Variants in ITGA1 observed in about 807,000 individuals in gnomAD.
The protein encoded by ITGA1 is integrin alpha-1.
In ITGA1, 85 loss-of-function variants were observed where a neutral mutation model predicts 145.9. The observed-to-expected ratio is 0.58, with a 90% CI of 0.49 to 0.70. The LOEUF (loss-of-function observed/expected upper bound fraction) is 0.70. Ranked by LOEUF, ITGA1 falls within the 30% of genes least tolerant of loss-of-function variation. The pLI, the probability that ITGA1 is intolerant of heterozygous loss-of-function variation, is 0.00. For missense variants in ITGA1, 1,351 were observed against 1,418.7 expected (o/e 0.95, Z 0.77); for synonymous variants, 520 against 495.3 (o/e 1.05, Z -0.66).
intron 28 of ITGA1, among the ~76,000 whole-genome samples, chr5:52,951,439 A>T (rs531308649): frequency 6.6e-6 from 1 of 152,264 alleles, no homozygotes; most frequent in Non-Finnish European, 1.5e-5. Context: ...CAATTGCAGC[A>T]CTTATAACTT....
intron 11 of ITGA1, among the ~76,000 whole-genome samples, chr5:52,901,297 G>A (rs2111834815): frequency 6.6e-6 from 1 of 152,282 alleles, no homozygotes; most frequent in East Asian, 1.9e-4. Context: ...GCTCCCGAAA[G>A]GAACACTGAC....
intron 1 of ITGA1, among the ~76,000 whole-genome samples, chr5:52,813,093 G>A (rs1748709502): frequency 6.6e-6 from 1 of 152,024 alleles, no homozygotes; most frequent in African/African-American, 2.4e-5. Context: ...GAGTACAGAA[G>A]AGCACATTTC....
chr5:52,907,376 A>G (rs1375505177), intron 12 of ITGA1, among the ~76,000 whole-genome samples: 4 of 152,230 alleles, frequency 2.6e-5, no homozygotes, highest in Non-Finnish European at 5.9e-5. Flanking sequence ...TAGGAAGTTG[A>G]CAATAGTAAA....
chr5:52,857,225 T>A (rs1156262303), intron 2 of ITGA1, among the ~76,000 whole-genome samples: 1 of 152,134 alleles, frequency 6.6e-6, no homozygotes, highest in Non-Finnish European at 1.5e-5. Flanking sequence ...TCGACCACCC[T>A]TGCAAACTGC....
chr5:52,805,714 A>G (rs1748578368), intron 1 of ITGA1, among the ~76,000 whole-genome samples: 1 of 152,118 alleles, frequency 6.6e-6, no homozygotes, highest in African/African-American at 2.4e-5. Flanking sequence ...ATTCAGGCCA[A>G]TCAGTTACTG....
intron 1 of ITGA1, among the ~76,000 whole-genome samples, chr5:52,837,369 G>T (rs1749176015): frequency 6.6e-6 from 1 of 152,162 alleles, no homozygotes; most frequent in Admixed American, 6.5e-5. Flanking sequence ...GTGAAGGAAG[G>T]GCAGGTTGAG....
intron 7 of ITGA1, among the ~76,000 whole-genome samples, chr5:52,882,687 C>A (rs138872668): frequency 3.5e-4 from 54 of 152,246 alleles, no homozygotes; most frequent in African/African-American, 1.2e-3. Flanking sequence ...TTTATAAGAA[C>A]GAACAGAATT....
chr5:52,849,645 T>TAA (rs201300374), intron 2 of ITGA1, among the ~76,000 whole-genome samples, 160 bp downstream of exon 2: 87 of 147,466 alleles, frequency 5.9e-4, no homozygotes, highest in African/African-American at 1.2e-3. Flanking sequence ...TAACTTAAAG[T>TAA]AAAAAAAAAA....
chr5:52,819,852 A>G (rs1274668382), intron 1 of ITGA1, among the ~76,000 whole-genome samples: 2 of 152,150 alleles, frequency 1.3e-5, no homozygotes, highest in Non-Finnish European at 2.9e-5. Context: ...ATCCGGTTTC[A>G]GCTTTCTACA....
intron 1 of ITGA1, among the ~76,000 whole-genome samples, chr5:52,817,249 G>A (rs956233066): frequency 4.6e-5 from 7 of 152,156 alleles, no homozygotes; most frequent in African/African-American, 1.7e-4. Flanking sequence ...GGTAGAGAAG[G>A]AAGTGTCCCA....
At position 52,875,888 on chromosome 5, in the gene ITGA1, T is replaced by A. The variant is rs1749858640; in HGVS notation, c.625-5985T>A. On this transcript the variant is annotated intron_variant, in intron 6 of 28. Coordinates refer to ENST00000282588, the MANE Select transcript of ITGA1 (RefSeq NM_181501.2). The stretch of plus-strand genomic sequence containing the variant: ...CAAGTCAAATATTAGGATTACTGGT[T>A]TTTTTTTTCCTTTTTCCTCTCAATT... Among the ~76,000 whole-genome samples the A allele has an allele frequency of 2.0e-5, 3 of 150,384 alleles. No homozygotes were observed. The South Asian group carries it at 6.3e-4, about 31-fold the overall frequency.
intron 18 of ITGA1, among the ~76,000 whole-genome samples, chr5:52,924,083 C>T (rs969070333): frequency 6.6e-5 from 10 of 152,126 alleles, no homozygotes; most frequent in East Asian, 3.8e-4. Flanking sequence ...GTGTCACTAG[C>T]GTGGCTCCAA....
At chr5:52,881,706 A>G (rs1749962629) in intron 6 of ITGA1, among the ~76,000 whole-genome samples, 167 bp from the exon 7 acceptor site, 1 of 152,254 alleles carries the variant, frequency 6.6e-6, no homozygotes, top group Non-Finnish European at 1.5e-5. Context: ...GACTACGAAC[A>G]GTCACAGAAT....
chr5:52,806,396 G>C (rs527751610), intron 1 of ITGA1, among the ~76,000 whole-genome samples: 1 of 151,972 alleles, frequency 6.6e-6, no homozygotes, highest in South Asian at 2.1e-4. Context: ...GAACAATCAG[G>C]AGTTGCTAAA....
At chr5:52,879,973 TATG>T (rs1226204423) in intron 6 of ITGA1, among the ~76,000 whole-genome samples, 1 of 152,244 alleles carries the variant, frequency 6.6e-6, no homozygotes, top group African/African-American at 2.4e-5. Context: ...TTTTACAAAA[TATG>T]ATATATGTAT....
chr5:52,903,952 CA>C (rs2111838935), intron 11 of ITGA1: 1 of 152,370 alleles, frequency 6.6e-6, no homozygotes, highest in East Asian at 1.9e-4. Context: ...AAAAATCATT[CA>C]AATCAAGAGA....
chr5:52,937,567 A>G, intron 24 of ITGA1, 53 bp downstream of exon 24: 3 of 1,105,348 alleles, frequency 2.7e-6, no homozygotes, highest in Non-Finnish European at 4.2e-6. Context: ...TTTCCACTTT[A>G]TGTTTAAGCC....
chr5:52,889,828 A>C (rs570890004), intron 8 of ITGA1: 2 of 152,154 alleles, frequency 1.3e-5, no homozygotes, highest in East Asian at 3.9e-4. Context: ...GTGAAGCCAA[A>C]AAATTCCTGT....
chr5:52,911,008 GTATATACTA>G (rs1257799610), intron 14 of ITGA1, among the ~76,000 whole-genome samples: 36 of 16,496 alleles, frequency 2.2e-3, no homozygotes, highest in African/African-American at 0.015. Flanking sequence ...TATGTATACT[GTATATACTA>G]TATATAGTAT....
Sources: gnomAD v4.1 joint callset for allele counts (sites outside exome capture counted in the v4.1 genomes callset) on GRCh38, gnomAD v4.1.1 for gene constraint, MANE v1.5 for transcripts, NCBI Gene and HGNC (gene_info 2026-07-23, HGNC 2026-07-21) for gene names.